The following MAGI1 variants were observed in gnomAD, a reference collection of about 807,000 sequenced individuals.
MAGI1 encodes the protein membrane-associated guanylate kinase, WW and PDZ domain-containing protein 1.
In MAGI1, 58 loss-of-function variants were observed where a neutral mutation model predicts 139.9. That is an observed-to-expected ratio of 0.41 (90% confidence interval 0.34 to 0.52). The LOEUF is 0.52. Among genes scored for constraint, MAGI1 ranks in the 20% least tolerant of loss-of-function variants. The pLI is 0.12. For synonymous variants in MAGI1, 812 were observed against 737.9 expected (o/e 1.10, Z -1.63); for missense variants, 1,874 against 1,901.6 (o/e 0.99, Z 0.27).
intron 2 of MAGI1, among the ~76,000 whole-genome samples, chr3:65,510,102 T>C (rs1033178476): frequency 6.6e-6 from 1 of 152,016 alleles, no homozygotes; most frequent in African/African-American, 2.4e-5. Context: ...TCCTGTCTGT[T>C]AGAAGGAAAA....
chr3:65,564,706 T>C (rs907802790), intron 2 of MAGI1, among the ~76,000 whole-genome samples: 2 of 152,208 alleles, frequency 1.3e-5, no homozygotes, highest in Non-Finnish European at 2.9e-5. Flanking sequence ...TTGTGTGCAT[T>C]CCGATGTCCT....
chr3:65,856,478 A>G (rs2059382314), intron 1 of MAGI1, among the ~76,000 whole-genome samples: 3 of 152,330 alleles, frequency 2.0e-5, no homozygotes, highest in Admixed American at 2.0e-4. Context: ...GAACTCAGGT[A>G]TCTGATCCAA....
intron 1 of MAGI1, among the ~76,000 whole-genome samples, chr3:65,629,004 G>T (rs149724171): frequency 2.0e-5 from 3 of 151,956 alleles, no homozygotes; most frequent in African/African-American, 4.8e-5. Context: ...ACTTATTTAT[G>T]GTATAAATTT....
At chr3:65,757,878 T>C (rs2036687315) in intron 1 of MAGI1, among the ~76,000 whole-genome samples, 1 of 152,066 alleles carries the variant, frequency 6.6e-6, no homozygotes, top group Non-Finnish European at 1.5e-5. Context: ...CAAACTTCAA[T>C]TTTAACTAAA....
At chr3:65,854,176 T>TAAA (rs34812640) in intron 1 of MAGI1, among the ~76,000 whole-genome samples, 2 of 139,250 alleles carry the variant, frequency 1.4e-5, no homozygotes, top group Non-Finnish European at 3.1e-5. Context: ...TTTAAAGGTT[T>TAAA]AAAAAAAAAA....
chr3:65,501,987 A>G (rs2077098937), intron 2 of MAGI1, among the ~76,000 whole-genome samples: 1 of 152,170 alleles, frequency 6.6e-6, no homozygotes, highest in African/African-American at 2.4e-5. Context: ...TATATATTCT[A>G]TAGAGATGGA....
chr3:66,002,971 T>C lies in MAGI1; in HGVS notation c.313+35025A>G, dbSNP rs189658147. On this transcript the variant is annotated intron_variant, in intron 1 of 22. Coordinates refer to ENST00000402939, the MANE Select transcript of MAGI1 (RefSeq NM_001033057.2). ...AGGAGAATTATTAATAGTACAGAGCTGGAATTAACAACAACCACTACATAC... is the reference window on the plus strand; with the variant it reads ...AGGAGAATTATTAATAGTACAGAGCCGGAATTAACAACAACCACTACATAC... 5.5e-3 allele frequency among the ~76,000 whole-genome samples: 841 copies of C among 152,290 alleles called. 2 individuals are homozygous for C. Among genetic ancestry groups the C allele is most frequent in the Non-Finnish European group, 8.7e-3 (592 of 68,028 alleles).
intron 1 of MAGI1, chr3:65,687,416 A>G: frequency 2.8e-6 from 1 of 359,680 alleles, no homozygotes; most frequent in Non-Finnish European, 5.6e-6. Context: ...TTTGTGTGAA[A>G]TGGCCCTCCC....
chr3:65,873,162 C>T (rs1002352879), intron 1 of MAGI1: 2 of 152,196 alleles, frequency 1.3e-5, no homozygotes, highest in African/African-American at 4.8e-5. Context: ...AGCTTTGGTG[C>T]TGTCCGTGGG....
intron 3 of MAGI1, among the ~76,000 whole-genome samples, chr3:65,491,428 T>C (rs983591307): frequency 2.6e-5 from 4 of 152,224 alleles, no homozygotes; most frequent in Non-Finnish European, 5.9e-5. Context: ...AATTGGAGTC[T>C]AAATCACAAG....
rs1329446111 is a variant in MAGI1 at position 65,379,282 on chromosome 3, G to A, written c.2974C>T (p.Pro992Ser). 6.2e-7 allele frequency: 1 copy of A among 1,612,752 alleles called. No homozygotes were observed. Residue 992 changes from proline (P) to serine (S), a missense_variant, in exon 17 of 23, where the codon CCC becomes TCC. Pro to Ser is a moderately conservative substitution (Grantham distance 74, BLOSUM62 -1). Coordinates refer to ENST00000402939, the MANE Select transcript of MAGI1 (RefSeq NM_001033057.2). The stretch of plus-strand genomic sequence containing the variant: ...TCACCAAAGGTCGTGCCTGCTTCGG[G>A]CCTGCTCACCGAGGACACGATGACG... ...GFVIVSSVSR[P>S]EAGTTFGNAC...
At chr3:65,997,141 A>G (rs1399696491) in intron 1 of MAGI1, among the ~76,000 whole-genome samples, 1 of 152,106 alleles carries the variant, frequency 6.6e-6, no homozygotes, top group East Asian at 1.9e-4. Context: ...GAGTACTTAA[A>G]AATGCATCTA....
At chr3:65,734,916 G>C (rs1343454867) in intron 1 of MAGI1, among the ~76,000 whole-genome samples, 2 of 150,100 alleles carry the variant, frequency 1.3e-5, no homozygotes, top group African/African-American at 4.9e-5. Context: ...AGAGCGGAGG[G>C]GAGGGGAGGG....
intron 13 of MAGI1, among the ~76,000 whole-genome samples, chr3:65,399,585 C>G (rs1374765196): frequency 6.6e-6 from 1 of 152,210 alleles, no homozygotes; most frequent in Non-Finnish European, 1.5e-5. Flanking sequence ...ACACATCACT[C>G]TCTTAGCTTG....
At chr3:65,734,505 G>GAGAGAGAAAGAAAGAGAGAA (rs1553699210) in intron 1 of MAGI1, among the ~76,000 whole-genome samples, 9 of 140,448 alleles carry the variant, frequency 6.4e-5, no homozygotes, top group African/African-American at 2.5e-4. Flanking sequence ...GAAAGAGGAA[G>GAGAGAGAAAGAAAGAGAGAA]AGAGAGAAAG....
chr3:65,492,879 CGATCCTGGCTAA>C (rs1211275678), intron 3 of MAGI1, among the ~76,000 whole-genome samples: 7 of 151,946 alleles, frequency 4.6e-5, no homozygotes, highest in Admixed American at 4.6e-4. Context: ...GAGATCGAGA[CGATCCTGGCTAA>C]CACGGTGAAA....
chr3:66,038,311 T>C lies in MAGI1; in HGVS notation c.-3A>G. The stretch of plus-strand genomic sequence containing the variant: ...TTCTTCTGGATCACTTTGGACATGA[T>C]GAGTTACACCCCTCCTCCAAAAAAA... On this transcript the variant is annotated 5_prime_UTR_variant, in exon 1 of 23. Transcript: ENST00000402939. 2 of 1,564,896 alleles carry C rather than the reference T, an allele frequency of 1.3e-6. No individual in the cohort carries two copies. The highest frequency in any genetic ancestry group is 1.7e-6 in the Non-Finnish European group (2 of 1,154,192).
At chr3:66,010,589 A>G (rs2107500832) in intron 1 of MAGI1, among the ~76,000 whole-genome samples, 1 of 152,314 alleles carries the variant, frequency 6.6e-6, no homozygotes, top group East Asian at 1.9e-4. Flanking sequence ...CACTTACACC[A>G]TTATAATGAA....
chr3:65,720,084 G>C (rs947257089), intron 1 of MAGI1: 2 of 152,162 alleles, frequency 1.3e-5, no homozygotes, highest in Admixed American at 6.5e-5. Flanking sequence ...TAAGTTCCAC[G>C]AAGGCAAGGA....
Sources: allele counts gnomAD v4.1 joint callset (sites outside exome capture counted in the v4.1 genomes callset), GRCh38; gene constraint gnomAD v4.1.1; transcripts MANE v1.5; gene names NCBI Gene and HGNC (gene_info 2026-07-23, HGNC 2026-07-21).